PDE4D: variants seen among roughly 807,000 people sequenced by gnomAD.
PDE4D encodes the protein phosphodiesterase 4D, also known as 3',5'-cyclic-AMP phosphodiesterase 4D.
Under a neutral mutation model 87.4 loss-of-function variants are expected in PDE4D, and 24 were observed. That is an observed-to-expected ratio of 0.27 (90% CI 0.20 to 0.39). The LOEUF (loss-of-function observed/expected upper bound fraction) is 0.39, where lower values mean the gene tolerates loss of function less well. Among genes scored for constraint, PDE4D ranks in the 10% least tolerant of loss-of-function variants. PDE4D has a pLI of 1.00. For synonymous variants in PDE4D, 384 were observed against 383.2 expected (o/e 1.00, Z -0.02); for missense variants, 714 against 1,041.0 (o/e 0.69, Z 4.32).
intron 1 of PDE4D, among the ~76,000 whole-genome samples, chr5:59,620,733 G>A (rs2150109227): frequency 6.6e-6 from 1 of 152,276 alleles, no homozygotes; most frequent in East Asian, 1.9e-4. Context: ...TACAAAGATT[G>A]AGAACCACAG....
In PDE4D at chr5:59,545,521, G is replaced by A. The variant is rs565661780; in HGVS notation, c.456-329553C>T. Among the ~76,000 whole-genome samples, 7 of 152,106 alleles carry A rather than the reference G, an allele frequency of 4.6e-5. No homozygotes were observed. In the South Asian group the frequency reaches 1.5e-3, roughly 32 times the overall value. The stretch of plus-strand genomic sequence containing the variant: ...CTGTTTCCCAAAACCATAGATAACT[G>A]GAAACTAAAAATTGGATAAAAGTCA... On this transcript the variant is annotated intron_variant, in intron 1 of 14. Coordinates refer to ENST00000340635, the MANE Select transcript of PDE4D (RefSeq NM_001104631.2).
At chr5:59,362,766 T>C (rs1263244679) in intron 1 of PDE4D, among the ~76,000 whole-genome samples, 1 of 152,092 alleles carries the variant, frequency 6.6e-6, no homozygotes, top group Non-Finnish European at 1.5e-5. Context: ...TGCTTACAAA[T>C]AAGCAAAAGC....
chr5:58,981,685 C>T (rs1050032088), intron 11 of PDE4D, among the ~76,000 whole-genome samples: 4 of 152,080 alleles, frequency 2.6e-5, no homozygotes, highest in African/African-American at 9.7e-5. Flanking sequence ...TTTTACTACT[C>T]ATTCTGTATT....
intron 1 of PDE4D, among the ~76,000 whole-genome samples, chr5:59,584,019 C>T (rs544483746): frequency 9.2e-5 from 14 of 152,258 alleles, no homozygotes; most frequent in Admixed American, 2.6e-4. Context: ...GGTCCCTTCA[C>T]GAAGAAAAGG....
chr5:60,014,155 A>G (rs538620317), intron 2 of PDE4D, among the ~76,000 whole-genome samples: 1 of 152,008 alleles, frequency 6.6e-6, no homozygotes, highest in East Asian at 1.9e-4. Flanking sequence ...AGGAAGCCCA[A>G]GATGATTCCA....
intron 1 of PDE4D, among the ~76,000 whole-genome samples, chr5:59,367,101 C>T (rs999978715): frequency 1.3e-5 from 2 of 152,196 alleles, no homozygotes; most frequent in Non-Finnish European, 2.9e-5. Context: ...AGACTATCGA[C>T]TCCTCAAGTA....
intron 5 of PDE4D, among the ~76,000 whole-genome samples, chr5:59,131,589 C>A (rs986682055): frequency 8.6e-6 from 1 of 116,744 alleles, no homozygotes; most frequent in African/African-American, 3.2e-5. Context: ...ATAATAAGGC[C>A]AATTTAAAAC....
At chr5:59,720,346 G>A (rs1212728795) in intron 1 of PDE4D, among the ~76,000 whole-genome samples, 1 of 152,082 alleles carries the variant, frequency 6.6e-6, no homozygotes, top group African/African-American at 2.4e-5. Context: ...GTCTTGCTAT[G>A]CTGCCCAGGC....
chr5:59,047,365 T>TA (rs1760871790), intron 5 of PDE4D, among the ~76,000 whole-genome samples: 1 of 152,140 alleles, frequency 6.6e-6, no homozygotes, highest in Admixed American at 6.5e-5. Flanking sequence ...CAGGTAGGGA[T>TA]ATAAAGTTTA....
chr5:59,716,665 A>G (rs1755076406), intron 1 of PDE4D, among the ~76,000 whole-genome samples: 1 of 152,178 alleles, frequency 6.6e-6, no homozygotes, highest in Non-Finnish European at 1.5e-5. Flanking sequence ...TCATTCATTC[A>G]TTTATTTATT....
rs552480835 is a variant in PDE4D at position 59,629,059 on chromosome 5, T to G, written c.455+264109A>C. On this transcript the variant is annotated intron_variant, in intron 1 of 14. Transcript: ENST00000340635. ...CTCACTATCATGAGAACAGCATGAGTGTAACTGCCACCATGATTCAATTAC... is the reference window on the plus strand; with the variant it reads ...CTCACTATCATGAGAACAGCATGAGGGTAACTGCCACCATGATTCAATTAC... Among the ~76,000 whole-genome samples, 30 of 152,128 alleles carry G rather than the reference T, an allele frequency of 2.0e-4. No homozygotes were observed. The East Asian group carries it at 4.1e-3, about 21-fold the overall frequency.
In PDE4D at chr5:58,969,985, A is replaced by G. The variant is rs1374472504; in HGVS notation, c.*4679T>C. On this transcript the variant is annotated 3_prime_UTR_variant, in exon 15 of 15. Coordinates refer to ENST00000340635, the MANE Select transcript of PDE4D (RefSeq NM_001104631.2). ...ATGATGTCACTATCCTTTCATTTCA[A>G]CCACGTTCAGTATCCTAAGAGACAT... is the stretch of plus-strand genomic sequence containing the variant. 1 of 152,146 alleles carries G rather than the reference A, an allele frequency of 6.6e-6. No individual in the cohort carries two copies. Among genetic ancestry groups the G allele is most frequent in the Non-Finnish European group, 1.5e-5 (1 of 68,016 alleles). 9.4% of individuals were successfully genotyped at this position (152,146 alleles called of 1,614,324 possible).
chr5:60,402,715 T>C (rs149397698), intron 1 of PDE4D, among the ~76,000 whole-genome samples: 1 of 152,364 alleles, frequency 6.6e-6, no homozygotes, highest in African/African-American at 2.4e-5. Context: ...GGTGATCTTA[T>C]GTTGATGCTT....
chr5:59,958,119 A>G (rs1468981359), intron 3 of PDE4D, among the ~76,000 whole-genome samples: 1 of 152,168 alleles, frequency 6.6e-6, no homozygotes. Context: ...TTGATTTTGT[A>G]CATTCAAATC....
chr5:59,259,283 G>C (rs1390942330), intron 1 of PDE4D, among the ~76,000 whole-genome samples: 1 of 151,490 alleles, frequency 6.6e-6, no homozygotes, highest in African/African-American at 2.4e-5. Context: ...TTTCCCCCTT[G>C]TCCAAAATCA....
At chr5:60,360,519 A>C (rs1270326131) in intron 1 of PDE4D, among the ~76,000 whole-genome samples, 1 of 152,212 alleles carries the variant, frequency 6.6e-6, no homozygotes, top group Non-Finnish European at 1.5e-5. Context: ...CACATCTGCT[A>C]TTTACTGAAG....
At chr5:59,278,869 A>C (rs991330027) in intron 1 of PDE4D, among the ~76,000 whole-genome samples, 1 of 152,118 alleles carries the variant, frequency 6.6e-6, no homozygotes, top group African/African-American at 2.4e-5. Context: ...CGTCAATTGC[A>C]TACAGGTAGA....
chr5:59,553,768 T>C (rs912116323), intron 1 of PDE4D, among the ~76,000 whole-genome samples: 1 of 152,116 alleles, frequency 6.6e-6, no homozygotes, highest in African/African-American at 2.4e-5. Context: ...CTTAATATTT[T>C]AGGAACGAGT....
chr5:59,458,621 C>T (rs1800278939), intron 1 of PDE4D, among the ~76,000 whole-genome samples: 1 of 152,204 alleles, frequency 6.6e-6, no homozygotes, highest in Admixed American at 6.5e-5. Flanking sequence ...TGGGAATTAA[C>T]TGTACGATTG....
Sources: gnomAD v4.1 joint callset for allele counts (sites outside exome capture counted in the v4.1 genomes callset) on GRCh38, gnomAD v4.1.1 for gene constraint, MANE v1.5 for transcripts, NCBI Gene and HGNC (gene_info 2026-07-23, HGNC 2026-07-21) for gene names.